KIAA1191: variants seen among roughly 807,000 people sequenced by gnomAD.
KIAA1191 encodes the protein KIAA1191, also known as putative monooxygenase p33MONOX.
A neutral mutation model predicts 31.1 loss-of-function variants in KIAA1191; 22 were observed. That is an observed-to-expected ratio of 0.71 (90% confidence interval 0.51 to 1.01). The LOEUF (loss-of-function observed/expected upper bound fraction) is 1.01. Ranked by LOEUF, KIAA1191 falls within the 50% of genes least tolerant of loss-of-function variation. The probability of loss-of-function intolerance (pLI) is 0.00; values close to 1 mark genes in which losing one functional copy is unlikely to be tolerated. For missense variants in KIAA1191, 319 were observed against 388.0 expected (o/e 0.82, Z 1.49); for synonymous variants, 130 against 143.9 (o/e 0.90, Z 0.69).
At chr5:176,352,414 A>G (rs1767112117) in intron 5 of KIAA1191, among the ~76,000 whole-genome samples, 1 of 152,252 alleles carries the variant, frequency 6.6e-6, no homozygotes, top group African/African-American at 2.4e-5. Flanking sequence ...GCAGGAATGC[A>G]CCTAAATCAG....
chr5:176,351,722 C>T (rs1429585489), intron 5 of KIAA1191, among the ~76,000 whole-genome samples: 2 of 151,668 alleles, frequency 1.3e-5, no homozygotes, highest in East Asian at 1.9e-4. Context: ...CACAGCATTG[C>T]ACTCCAGCCT....
At chr5:176,352,038 T>TTAA (rs1767059960) in intron 5 of KIAA1191, among the ~76,000 whole-genome samples, 1 of 151,252 alleles carries the variant, frequency 6.6e-6, no homozygotes, top group South Asian at 2.1e-4. Context: ...TGTTATAAGG[T>TTAA]TAAAAAAAAA....
rs1767838374 is a variant in KIAA1191, at chr5:176,359,812, A to G, written c.-61T>C. 6.5e-6 allele frequency: 2 copies of G among 306,096 alleles called. No homozygotes were observed. Among genetic ancestry groups the G allele is most frequent in the South Asian group, 8.5e-5 (2 of 23,628 alleles). The allele number at this position is 306,096 out of a possible 1,614,324, so 19.0% of individuals were successfully genotyped here. A position where few individuals can be genotyped will look rare whatever the true frequency, so the allele number is the denominator to read the frequency against. On this transcript the variant is annotated splice_region_variant and 5_prime_UTR_variant, in exon 2 of 9. Transcript: ENST00000298569. ...TACATGGTGAAAAAGTCACCTTACC[A>G]CAGTGAAATGATGTGATGACTAAGC...
At position 176,346,902 on chromosome 5, in the gene KIAA1191, C is replaced by T. The variant is rs1766551623; in HGVS notation, c.*698G>A. On this transcript the variant is annotated 3_prime_UTR_variant, in exon 9 of 9. Transcript: ENST00000298569. ...GTCGTCTTAGCGAGTCAGTGAGCAC[C>T]TCTAAGCCATGATTTGTCAATGCTC... is the stretch of plus-strand genomic sequence containing the variant. 1 of 152,176 alleles carries T rather than the reference C, an allele frequency of 6.6e-6. No individual in the cohort carries two copies. The highest frequency in any genetic ancestry group is 2.4e-5 in the African/African-American group (1 of 41,438). The allele number at this position is 152,176 out of a possible 1,614,324, so 9.4% of individuals were successfully genotyped here. A position where few individuals can be genotyped will look rare whatever the true frequency, so the allele number is the denominator to read the frequency against.
chr5:176,352,762 G>C lies in KIAA1191; in HGVS notation c.208-14C>G. ...TCCTTCCTCCACCTGTTCAAGAGAGGTACAGTACAGAAGCACTTAGGCAGG... is the reference window on the plus strand; with the variant it reads ...TCCTTCCTCCACCTGTTCAAGAGAGCTACAGTACAGAAGCACTTAGGCAGG... On this transcript the variant is annotated splice_polypyrimidine_tract_variant and intron_variant, in intron 4 of 8. Coordinates refer to ENST00000298569, the MANE Select transcript of KIAA1191 (RefSeq NM_020444.5). The C allele has an allele frequency of 6.2e-7, 1 of 1,611,964 alleles. No individual in the cohort carries two copies. The highest frequency in any genetic ancestry group is 1.7e-4 in the Middle Eastern group (1 of 6,052).
chr5:176,351,735 G>A (rs984920787), intron 5 of KIAA1191, among the ~76,000 whole-genome samples: 35 of 151,726 alleles, frequency 2.3e-4, no homozygotes, highest in Non-Finnish European at 2.9e-4. Flanking sequence ...TCCAGCCTGG[G>A]TGACAGAGTG....
intron 5 of KIAA1191, 89 bp from the exon 6 acceptor site, chr5:176,350,826 G>C (rs1308853743): frequency 4.0e-6 from 6 of 1,493,778 alleles, no homozygotes; most frequent in Non-Finnish European, 5.5e-6. Context: ...ATTCTCCCCA[G>C]AAGCAAGAGA....
chr5:176,353,488 GAAGA>G (rs949193048), intron 4 of KIAA1191: 3 of 152,336 alleles, frequency 2.0e-5, no homozygotes, highest in African/African-American at 7.2e-5. Flanking sequence ...GAAGAACTGA[GAAGA>G]AAGTAAGATG....
intron 6 of KIAA1191, among the ~76,000 whole-genome samples, chr5:176,349,952 G>C (rs541430038): frequency 6.6e-6 from 1 of 152,272 alleles, no homozygotes; most frequent in South Asian, 2.1e-4. Context: ...AGATTTCCAG[G>C]CTGCTTTGGA....
chr5:176,354,171 A>G (rs1202145980), intron 4 of KIAA1191: 3 of 152,244 alleles, frequency 2.0e-5, no homozygotes, highest in Non-Finnish European at 4.4e-5. Context: ...AACCCTTTAC[A>G]TCCCCTGACT....
At position 176,347,968 on chromosome 5, in the gene KIAA1191, T is replaced by C. The variant is rs898031035; in HGVS notation, c.662A>G (p.Asp221Gly). The C allele has an allele frequency of 3.1e-6, 5 of 1,614,066 alleles. No individual in the cohort carries two copies. The highest frequency in any genetic ancestry group is 3.4e-6 in the Non-Finnish European group (4 of 1,180,034). Residue 221 changes from aspartate to glycine, a missense_variant, in exon 8 of 9, where the codon GAT (aspartate) becomes GGT (glycine). Coordinates refer to ENST00000298569, the MANE Select transcript of KIAA1191 (RefSeq NM_020444.5). ...GSGDKDRNLSDKWSLFGPRSL... is the reference protein window; with the variant it reads ...GSGDKDRNLSGKWSLFGPRSL... ...TCTCGGTCCAAAGAGGCTCCACTTA[T>C]CTGACAAGTTTCTGTCCTTATCCCC...
intron 4 of KIAA1191, 54 bp from the exon 5 acceptor site, chr5:176,352,802 C>T: frequency 1.3e-6 from 2 of 1,546,948 alleles, no homozygotes; most frequent in Non-Finnish European, 1.7e-6. Flanking sequence ...GGGAGTCACA[C>T]ACCTAAACTT....
At chr5:176,353,980 G>C (rs1767270023) in intron 4 of KIAA1191, among the ~76,000 whole-genome samples, 1 of 152,210 alleles carries the variant, frequency 6.6e-6, no homozygotes, top group Admixed American at 6.5e-5. Context: ...AATTGATAGA[G>C]GGAATATCCC....
chr5:176,356,848 G>A (rs183566444), intron 3 of KIAA1191, among the ~76,000 whole-genome samples: 4 of 152,204 alleles, frequency 2.6e-5, no homozygotes, highest in South Asian at 2.1e-4. Flanking sequence ...TCATTTAAAC[G>A]GCAAGGGGAC....
rs532822313 is a variant in KIAA1191, at chr5:176,359,728, C to T, written c.-60+83G>A. On this transcript the variant is annotated intron_variant, in intron 2 of 8. Coordinates refer to ENST00000298569, the MANE Select transcript of KIAA1191 (RefSeq NM_020444.5). ...ATGAAAAAAGAAGGATAAAGTCAAA[C>T]GTCTCACCACACCTGTGGCTGATCT... The T allele has an allele frequency of 1.2e-5, 6 of 517,074 alleles. No individual in the cohort carries two copies. In the East Asian group the frequency reaches 2.0e-4, roughly 17 times the overall value. The allele number at this position is 517,074 out of a possible 1,614,324, so 32.0% of individuals were successfully genotyped here. A position where few individuals can be genotyped will look rare whatever the true frequency, so the allele number is the denominator to read the frequency against.
Position 176,350,585 on chromosome 5 carries a change from T to G in KIAA1191, c.459+28A>C, listed in dbSNP as rs750183795. 7.5e-6 allele frequency: 12 copies of G among 1,609,358 alleles called. No individual in the cohort carries two copies. The South Asian group carries it at 7.7e-5, about 10-fold the overall frequency. ...TTCAAGCCATGAACACTGAAGGTTT[T>G]GTTTTTTCAAAGTTCCTAAGAGCTT... On this transcript the variant is annotated intron_variant, in intron 6 of 8. Coordinates refer to ENST00000298569, the MANE Select transcript of KIAA1191 (RefSeq NM_020444.5).
chr5:176,358,963 A>C (rs971516130), intron 3 of KIAA1191, among the ~76,000 whole-genome samples: 6 of 151,350 alleles, frequency 4.0e-5, no homozygotes, highest in Non-Finnish European at 8.8e-5. Context: ...GGGCGCCTGT[A>C]GTCCCAGCTA....
chr5:176,350,559 T>C, intron 6 of KIAA1191, 54 bp downstream of exon 6: 1 of 1,594,134 alleles, frequency 6.3e-7, no homozygotes. Flanking sequence ...CACAGCCACA[T>C]TTCAAGCCAT....
In KIAA1191 at chr5:176,352,325, G is replaced by A. The variant is rs547540278; in HGVS notation, c.334+297C>T. On this transcript the variant is annotated intron_variant, in intron 5 of 8. Transcript: ENST00000298569. The stretch of plus-strand genomic sequence containing the variant: ...CCAGTGAAATTCCCCATTTTAGAGC[G>A]GGGCAGTCTCTGTAGTTAAGTAGCT... Among the ~76,000 whole-genome samples, 9 of 152,248 alleles carry A rather than the reference G, an allele frequency of 5.9e-5. No homozygotes were observed. The South Asian group carries it at 1.5e-3, about 25-fold the overall frequency.
Sources: gnomAD v4.1 joint callset for allele counts (sites outside exome capture counted in the v4.1 genomes callset) on GRCh38, gnomAD v4.1.1 for gene constraint, MANE v1.5 for transcripts, NCBI Gene and HGNC (gene_info 2026-07-23, HGNC 2026-07-21) for gene names.